The following SLMAP variants were observed in gnomAD, a reference collection of about 807,000 sequenced individuals.
SLMAP encodes sarcolemma associated protein.
A neutral mutation model predicts 128.8 loss-of-function variants in SLMAP; 44 were observed. The ratio of observed to expected loss-of-function variants is 0.34; its 90% CI spans 0.27 to 0.44. The LOEUF is 0.44. SLMAP is among the 20% of genes least tolerant of loss of function. The pLI is 1.00. For missense variants in SLMAP, 787 were observed against 985.3 expected (o/e 0.80, Z 2.69); for synonymous variants, 327 against 348.8 (o/e 0.94, Z 0.70).
intron 13 of SLMAP, among the ~76,000 whole-genome samples, chr3:57,867,341 A>G (rs528053570): frequency 3.9e-5 from 6 of 152,206 alleles, no homozygotes; most frequent in Non-Finnish European, 7.3e-5. Context: ...AGAGTTGTAA[A>G]ATTACTGATT....
chr3:57,815,706 A>G (rs1337320641), intron 2 of SLMAP, among the ~76,000 whole-genome samples: 2 of 152,114 alleles, frequency 1.3e-5, no homozygotes, highest in African/African-American at 4.8e-5. Context: ...TCCTGGACTC[A>G]GACAGTCCTC....
At chr3:57,811,174 C>A (rs1451310222) in intron 2 of SLMAP, among the ~76,000 whole-genome samples, 2 of 152,120 alleles carry the variant, frequency 1.3e-5, no homozygotes, top group African/African-American at 4.8e-5. Context: ...ACCATTATCA[C>A]CATTCATCTC....
chr3:57,825,896 G>A (rs755634550), intron 2 of SLMAP, among the ~76,000 whole-genome samples: 48 of 152,010 alleles, frequency 3.2e-4, no homozygotes, highest in Non-Finnish European at 4.9e-4. Context: ...TTGATTCAGC[G>A]TTTACTTGGG....
chr3:57,767,457 G>A (rs1279160983), intron 2 of SLMAP, among the ~76,000 whole-genome samples: 1 of 152,122 alleles, frequency 6.6e-6, no homozygotes, highest in Non-Finnish European at 1.5e-5. Context: ...TCAATATGTA[G>A]TCTTTGTATA....
Position 57,847,019 on chromosome 3 carries a change from A to G in SLMAP, c.420-178A>G, listed in dbSNP as rs150342170. Among the ~76,000 whole-genome samples, 631 of 152,308 alleles carry G rather than the reference A, an allele frequency of 4.1e-3. 6 individuals are homozygous for G. Among genetic ancestry groups the G allele is most frequent in the African/African-American group, 0.015 (612 of 41,574 alleles). ...ATTGATGTGTACAAGGTAGGTTTAC[A>G]TATTTTTGTTTTCTAAGAATTTTAT... On this transcript the variant is annotated intron_variant, in intron 4 of 24. Coordinates refer to ENST00000671191, the MANE Select transcript of SLMAP (RefSeq NM_001377540.1).
At chr3:57,819,546 T>C (rs968027219) in intron 2 of SLMAP, among the ~76,000 whole-genome samples, 1 of 152,102 alleles carries the variant, frequency 6.6e-6, no homozygotes, top group Non-Finnish European at 1.5e-5. Context: ...TTAATGGAAA[T>C]TTTTTTCTTT....
At position 57,759,810 on chromosome 3, in the gene SLMAP, C is replaced by A. The variant is rs147388068; in HGVS notation, c.198+1961C>A. 4.2e-3 allele frequency among the ~76,000 whole-genome samples: 647 copies of A among 152,244 alleles called. 6 individuals carry two copies. Among genetic ancestry groups the A allele is most frequent in the African/African-American group, 0.015 (628 of 41,556 alleles). The stretch of plus-strand genomic sequence containing the variant: ...AAGGGGACTCCCATTTTTTGTTTTA[C>A]TTATTTGAAAAATACTGATTTCATG... On this transcript the variant is annotated intron_variant, in intron 2 of 24. Coordinates refer to ENST00000671191, the MANE Select transcript of SLMAP (RefSeq NM_001377540.1).
chr3:57,773,354 G>A (rs1409463176), intron 2 of SLMAP, among the ~76,000 whole-genome samples: 1 of 152,206 alleles, frequency 6.6e-6, no homozygotes, highest in Non-Finnish European at 1.5e-5. Context: ...GCCACATCAT[G>A]TACTATATGC....
intron 17 of SLMAP, chr3:57,900,189 T>TC (rs2096342565): frequency 6.6e-6 from 1 of 152,172 alleles, no homozygotes; most frequent in African/African-American, 2.4e-5. Flanking sequence ...AAGTTTTTTT[T>TC]CCCCTTTTTT....
At chr3:57,758,307 C>G (rs912033572) in intron 2 of SLMAP, among the ~76,000 whole-genome samples, 1 of 152,156 alleles carries the variant, frequency 6.6e-6, no homozygotes, top group African/African-American at 2.4e-5. Context: ...CAGATCAGGA[C>G]CTTTCTAGTA....
chr3:57,830,481 A>G (rs537818928), intron 2 of SLMAP, among the ~76,000 whole-genome samples: 1 of 152,324 alleles, frequency 6.6e-6, no homozygotes, highest in South Asian at 2.1e-4. Context: ...AAATCGAAAA[A>G]GAAAGGTACG....
chr3:57,793,530 A>G (rs2085991780), intron 2 of SLMAP, among the ~76,000 whole-genome samples: 1 of 152,180 alleles, frequency 6.6e-6, no homozygotes, highest in Non-Finnish European at 1.5e-5. Context: ...GCCTATTTAG[A>G]ACAAATGAGA....
intron 6 of SLMAP, among the ~76,000 whole-genome samples, chr3:57,857,016 A>G (rs1577789914): frequency 6.6e-6 from 1 of 152,264 alleles, no homozygotes; most frequent in African/African-American, 2.4e-5. Context: ...GTGTGTATGC[A>G]TAGATATATG....
chr3:57,829,280 TTA>T (rs947690493), intron 2 of SLMAP, among the ~76,000 whole-genome samples: 2 of 152,182 alleles, frequency 1.3e-5, no homozygotes, highest in East Asian at 1.9e-4. Flanking sequence ...CTGTTCCATT[TTA>T]TGTTTTTTTA....
intron 5 of SLMAP, among the ~76,000 whole-genome samples, chr3:57,848,709 CTTTTTTTTTT>C (rs34568039): frequency 9.7e-6 from 1 of 103,596 alleles, no homozygotes; most frequent in Non-Finnish European, 1.8e-5. Context: ...CCTCCTACTC[CTTTTTTTTTT>C]TTTTTTTTTG....
intron 10 of SLMAP, among the ~76,000 whole-genome samples, chr3:57,863,841 G>A (rs2095204734): frequency 6.6e-6 from 1 of 152,108 alleles, no homozygotes; most frequent in Non-Finnish European, 1.5e-5. Context: ...AATAGTGATT[G>A]TACTGTCATC....
intron 14 of SLMAP, among the ~76,000 whole-genome samples, chr3:57,876,141 C>A (rs2095598425): frequency 6.6e-6 from 1 of 152,106 alleles, no homozygotes; most frequent in Non-Finnish European, 1.5e-5. Flanking sequence ...TATAATTCAC[C>A]TTGTGTTTTA....
intron 15 of SLMAP, among the ~76,000 whole-genome samples, chr3:57,896,018 CTTATT>C (rs1189795711): frequency 2.0e-5 from 3 of 147,818 alleles, no homozygotes; most frequent in African/African-American, 7.4e-5. Context: ...TGTTAATTTT[CTTATT>C]TTAAGTGGCA....
intron 6 of SLMAP, among the ~76,000 whole-genome samples, chr3:57,850,467 G>A (rs1306816470): frequency 6.6e-6 from 1 of 151,984 alleles, no homozygotes; most frequent in Non-Finnish European, 1.5e-5. Flanking sequence ...CTCTCAGGCT[G>A]AAGTGCAGTG....
Sources: gnomAD v4.1 joint callset for allele counts (sites outside exome capture counted in the v4.1 genomes callset) on GRCh38, gnomAD v4.1.1 for gene constraint, MANE v1.5 for transcripts, NCBI Gene and HGNC (gene_info 2026-07-23, HGNC 2026-07-21) for gene names.